Variants in SND1 observed in about 807,000 individuals in gnomAD.
SND1 encodes the protein staphylococcal nuclease and tudor domain containing 1, also known as staphylococcal nuclease domain-containing protein 1.
SND1 carries 38 observed loss-of-function variants against 121.7 expected under a neutral mutation model. That is an observed-to-expected ratio of 0.31 (90% CI 0.24 to 0.41). The LOEUF is 0.41. Among genes scored for constraint, SND1 ranks in the 10% least tolerant of loss-of-function variants. SND1 has a pLI of 1.00. For missense variants in SND1, 868 were observed against 1,184.6 expected (o/e 0.73, Z 3.92); for synonymous variants, 401 against 447.4 (o/e 0.90, Z 1.31).
chr7:127,838,041 C>T (rs1294295097), intron 11 of SND1, among the ~76,000 whole-genome samples: 1 of 152,130 alleles, frequency 6.6e-6, no homozygotes, highest in Non-Finnish European at 1.5e-5. Flanking sequence ...TAAGCTAATT[C>T]CAATTGGCTA....
At chr7:127,770,148 G>T (rs1024166588) in intron 10 of SND1, among the ~76,000 whole-genome samples, 1 of 152,170 alleles carries the variant, frequency 6.6e-6, no homozygotes, top group Non-Finnish European at 1.5e-5. Context: ...AGAATTGTGT[G>T]CACTCATTGC....
intron 11 of SND1, among the ~76,000 whole-genome samples, chr7:127,820,649 C>T (rs1458388986): frequency 6.6e-6 from 1 of 152,058 alleles, no homozygotes; most frequent in Admixed American, 6.6e-5. Flanking sequence ...CCCTTCCTTT[C>T]TTTCTCTCTA....
intron 15 of SND1, among the ~76,000 whole-genome samples, chr7:127,933,996 CAG>C (rs1554444609): frequency 6.6e-6 from 1 of 152,136 alleles, no homozygotes; most frequent in Non-Finnish European, 1.5e-5. Flanking sequence ...CAAGGGAATA[CAG>C]ACATGTAAAC....
chr7:127,735,457 A>C (rs1430994140), intron 10 of SND1, among the ~76,000 whole-genome samples: 1 of 152,160 alleles, frequency 6.6e-6, no homozygotes, highest in East Asian at 1.9e-4. Context: ...TCATGCCTGT[A>C]ATCCTAGCAC....
Position 128,091,851 on chromosome 7 carries a change from G to T in SND1, c.2637G>T (p.Leu879=), listed in dbSNP as rs149009151. ...CGTCCCTCCAGATCACAGAATACCT[G>T]AATGCCCAAGAGTCAGCCAAGAGCG... ...KQFQKVITEY[L]NAQESAKSAR... Residue 879 remains leucine (L), a synonymous_variant, in exon 23 of 24, where the codon CTG becomes CTT. Transcript: ENST00000354725. 2 of 1,614,030 alleles carry T rather than the reference G, an allele frequency of 1.2e-6. No homozygotes were observed. The highest frequency in any genetic ancestry group is 1.7e-6 in the Non-Finnish European group (2 of 1,180,032).
chr7:127,887,759 G>C (rs1377321968), intron 12 of SND1, 143 bp from the exon 13 acceptor site: 4 of 537,390 alleles, frequency 7.4e-6, no homozygotes, highest in East Asian at 3.1e-5. Flanking sequence ...TTCTAGCTTA[G>C]CAACTCATAG....
At chr7:127,809,943 C>T (rs550053888) in intron 11 of SND1, among the ~76,000 whole-genome samples, 2 of 152,120 alleles carry the variant, frequency 1.3e-5, no homozygotes, top group Non-Finnish European at 2.9e-5. Flanking sequence ...ATTTGTGAAC[C>T]GGGACTATTA....
intron 9 of SND1, chr7:127,718,818 G>GA (rs1438352416): frequency 1.2e-6 from 1 of 822,318 alleles, no homozygotes; most frequent in African/African-American, 1.9e-5. Context: ...CTAGGGAGCA[G>GA]AAAACGTCTA....
rs569932047 is a variant in SND1, at chr7:127,759,371, T to G, written c.1152+37971T>G. 7.1e-4 allele frequency among the ~76,000 whole-genome samples: 108 copies of G among 152,328 alleles called. 3 individuals carry two copies. The South Asian group carries it at 0.019, about 27-fold the overall frequency. ...AGTGAGTTATAATACATTAATTTTT[T>G]TGTTTGTTTTCATACTTAAATTGTC... On this transcript the variant is annotated intron_variant, in intron 10 of 23. Transcript: ENST00000354725.
intron 16 of SND1, among the ~76,000 whole-genome samples, chr7:128,056,109 T>C (rs1013104249): frequency 6.6e-6 from 1 of 152,254 alleles, no homozygotes; most frequent in African/African-American, 2.4e-5. Flanking sequence ...ACAACATGCA[T>C]GTCTTTGTGA....
intron 16 of SND1, among the ~76,000 whole-genome samples, chr7:128,009,578 T>G (rs1803065985): frequency 6.6e-6 from 1 of 152,158 alleles, no homozygotes; most frequent in Admixed American, 6.5e-5. Flanking sequence ...TACAACTGAT[T>G]AATAGAATCT....
intron 10 of SND1, among the ~76,000 whole-genome samples, chr7:127,786,824 A>G (rs537978293): frequency 1.3e-5 from 2 of 152,134 alleles, no homozygotes; most frequent in African/African-American, 4.8e-5. Flanking sequence ...TTGTATTTTT[A>G]GTAGAGACGG....
chr7:127,792,269 G>A (rs1448634021), intron 10 of SND1, among the ~76,000 whole-genome samples: 1 of 152,108 alleles, frequency 6.6e-6, no homozygotes, highest in Non-Finnish European at 1.5e-5. Flanking sequence ...GGGCAGGCAG[G>A]GTGAAGGTGG....
Position 127,858,439 on chromosome 7 carries a change from G to C in SND1, c.1343+14015G>C, listed in dbSNP as rs1220551928. 6.0e-5 allele frequency: 46 copies of C among 762,438 alleles called. No individual in the cohort carries two copies. In the South Asian group the frequency reaches 6.7e-4, roughly 11 times the overall value. The allele number at this position is 762,438 out of a possible 1,614,324, so 47.2% of individuals were successfully genotyped here. ...GGGCACTCACTGGGGTCTGGCCCAA[G>C]CTGTCCTCCTCTTCCAAGTCTGAGG... On this transcript the variant is annotated intron_variant, in intron 12 of 23. Coordinates refer to ENST00000354725, the MANE Select transcript of SND1 (RefSeq NM_014390.4).
chr7:127,725,640 A>G (rs1796568589), intron 10 of SND1, among the ~76,000 whole-genome samples: 1 of 152,178 alleles, frequency 6.6e-6, no homozygotes, highest in African/African-American at 2.4e-5. Flanking sequence ...TGAAAGAAAC[A>G]CTAAGGACAT....
intron 16 of SND1, among the ~76,000 whole-genome samples, chr7:128,051,419 G>A (rs565257336): frequency 6.7e-6 from 1 of 149,144 alleles, no homozygotes; most frequent in Non-Finnish European, 1.5e-5. Flanking sequence ...ACCATTACAA[G>A]ATGAAGGTGA....
intron 15 of SND1, among the ~76,000 whole-genome samples, chr7:127,969,171 C>G (rs990846621): frequency 2.0e-5 from 3 of 151,998 alleles, no homozygotes; most frequent in African/African-American, 7.3e-5. Flanking sequence ...GTTCTGAGTC[C>G]TGAGGAAGAG....
At chr7:127,765,684 A>G (rs958873860) in intron 10 of SND1, among the ~76,000 whole-genome samples, 8 of 152,156 alleles carry the variant, frequency 5.3e-5, no homozygotes, top group Non-Finnish European at 1.2e-4. Context: ...TTCTTCCTTT[A>G]TAGAAGTTTT....
At chr7:127,849,906 G>A (rs562862707) in intron 12 of SND1, among the ~76,000 whole-genome samples, 5 of 152,218 alleles carry the variant, frequency 3.3e-5, no homozygotes, top group South Asian at 4.1e-4. Context: ...GTGGGGGCTC[G>A]GGACATCTTA....
Sources: allele counts gnomAD v4.1 joint callset (sites outside exome capture counted in the v4.1 genomes callset), GRCh38; gene constraint gnomAD v4.1.1; transcripts MANE v1.5; gene names NCBI Gene and HGNC (gene_info 2026-07-23, HGNC 2026-07-21).